MTMR8: variants seen among roughly 807,000 people sequenced by gnomAD.
The protein encoded by MTMR8 is myotubularin related protein 8, also known as phosphatidylinositol-3,5-bisphosphate 3-phosphatase MTMR8.
MTMR8 carries 65 observed loss-of-function variants against 39.3 expected under a neutral mutation model. The observed-to-expected ratio is 1.65, with a 90% CI of 1.35 to 2.03. The LOEUF is 2.03. Among genes scored for constraint, MTMR8 ranks in the 30% most tolerant of loss-of-function variants. MTMR8 has a pLI of 0.00. For synonymous variants in MTMR8, 245 were observed against 185.2 expected (o/e 1.32, Z -2.62); for missense variants, 777 against 538.9 (o/e 1.44, Z -4.37).
intron 1 of MTMR8, among the ~76,000 whole-genome samples, chrX:64,385,560 C>T (rs752541259): frequency 1.3e-4 from 14 of 111,722 alleles, no homozygotes; most frequent in African/African-American, 4.2e-4. Context: ...GTTTTGAAGG[C>T]TTTAAAGGAA....
intron 3 of MTMR8, 70 bp from the exon 4 acceptor site, chrX:64,355,004 T>G: frequency 1.1e-6 from 1 of 924,945 alleles, no homozygotes; most frequent in Non-Finnish European, 1.5e-6. Context: ...ACAATGCAAA[T>G]AAAGGCTAGA....
intron 12 of MTMR8, among the ~76,000 whole-genome samples, chrX:64,284,279 G>A (rs1464323495): frequency 9.0e-6 from 1 of 111,665 alleles, no homozygotes; most frequent in African/African-American, 3.3e-5. Context: ...AGAGAAAAAA[G>A]AATAAAAAGA....
intron 6 of MTMR8, among the ~76,000 whole-genome samples, 182 bp downstream of exon 6, chrX:64,348,478 T>G (rs1923399710): frequency 9.0e-6 from 1 of 111,596 alleles, no homozygotes; most frequent in Non-Finnish European, 1.9e-5. Context: ...TAACCTCACT[T>G]GACAGTGGCA....
At chrX:64,331,499 TTC>T in intron 11 of MTMR8, 56 bp downstream of exon 11, 1 of 1,088,379 alleles carries the variant, frequency 9.2e-7, no homozygotes. Context: ...GGTAGGTACA[TTC>T]TTTTTGCACT....
intron 1 of MTMR8, among the ~76,000 whole-genome samples, chrX:64,370,981 C>T (rs1265368493): frequency 9.0e-6 from 1 of 111,195 alleles, no homozygotes; most frequent in East Asian, 2.8e-4. Flanking sequence ...AGCAAGAACT[C>T]GTCTCTACAA....
intron 13 of MTMR8, among the ~76,000 whole-genome samples, chrX:64,270,381 C>T (rs929217874): frequency 6.2e-5 from 7 of 112,198 alleles, no homozygotes; most frequent in Admixed American, 1.9e-4. Context: ...AGGTACCTTT[C>T]CCCTGTCCTT....
intron 1 of MTMR8, among the ~76,000 whole-genome samples, chrX:64,366,384 A>G (rs1382012311): frequency 8.9e-6 from 1 of 112,073 alleles, no homozygotes; most frequent in Admixed American, 9.5e-5. Context: ...AATATAAAAG[A>G]ACAGAAATCA....
chrX:64,323,078 T>C (rs1257652067), intron 12 of MTMR8, among the ~76,000 whole-genome samples: 1 of 112,224 alleles, frequency 8.9e-6, no homozygotes, highest in Admixed American at 9.4e-5. Context: ...CGTGTGACAA[T>C]GGCATACCAG....
intron 12 of MTMR8, among the ~76,000 whole-genome samples, chrX:64,303,982 C>A (rs755269574): frequency 8.9e-6 from 1 of 112,021 alleles, no homozygotes; most frequent in Non-Finnish European, 1.9e-5. Flanking sequence ...TTGTGTACTG[C>A]AGCACAGTCT....
At chrX:64,341,482 A>AG (rs1305406830) in intron 8 of MTMR8, among the ~76,000 whole-genome samples, 1 of 106,300 alleles carries the variant, frequency 9.4e-6, no homozygotes, top group Non-Finnish European at 1.9e-5. Flanking sequence ...TCTGTCTCAA[A>AG]AAAAAAAAAA....
chrX:64,305,312 T>A (rs746647758), intron 12 of MTMR8: 19 of 200,404 alleles, frequency 9.5e-5, no homozygotes, highest in Non-Finnish European at 1.7e-4. Context: ...CATCCAGTAC[T>A]ACTTGTACAA....
At chrX:64,289,636 C>CA (rs749879321) in intron 12 of MTMR8, among the ~76,000 whole-genome samples, 6,146 of 25,089 alleles carry the variant, frequency 0.24, 918 homozygotes, top group Non-Finnish European at 0.43. Flanking sequence ...GACTCCATCG[C>CA]AAAAAAAAAA....
chrX:64,307,371 A>G (rs1171883585), intron 12 of MTMR8, among the ~76,000 whole-genome samples: 2 of 112,336 alleles, frequency 1.8e-5, no homozygotes, highest in East Asian at 5.6e-4. Context: ...ATTTAAATTT[A>G]TGATCCATTT....
chrX:64,316,226 AT>A (rs1471099104), intron 12 of MTMR8, among the ~76,000 whole-genome samples: 1 of 111,951 alleles, frequency 8.9e-6, no homozygotes, highest in Non-Finnish European at 1.9e-5. Context: ...ATGTTCCAAG[AT>A]TCCTTCTTTT....
chrX:64,331,813 T>C (rs1922950078), intron 10 of MTMR8, 56 bp from the exon 11 acceptor site: 2 of 1,017,051 alleles, frequency 2.0e-6, no homozygotes, highest in East Asian at 6.3e-5. Context: ...AGGATTACAC[T>C]GTTGGGAATA....
At chrX:64,372,111 T>C (rs1924144651) in intron 1 of MTMR8, among the ~76,000 whole-genome samples, 1 of 108,734 alleles carries the variant, frequency 9.2e-6, no homozygotes, top group South Asian at 3.9e-4. Context: ...GGGGTAATCC[T>C]TAATGTTAAG....
chrX:64,307,455 TG>T (rs2147206869), intron 12 of MTMR8, among the ~76,000 whole-genome samples: 1 of 111,966 alleles, frequency 8.9e-6, no homozygotes, highest in African/African-American at 3.2e-5. Context: ...CATCATTTGT[TG>T]AAAAGACTAT....
At chrX:64,309,495 TC>T (rs944417853) in intron 12 of MTMR8, among the ~76,000 whole-genome samples, 2 of 111,845 alleles carry the variant, frequency 1.8e-5, no homozygotes, top group African/African-American at 6.5e-5. Flanking sequence ...TTTTCTAGAT[TC>T]GTTGGGATTT....
chrX:64,314,333 A>G (rs917808735), intron 12 of MTMR8, among the ~76,000 whole-genome samples: 23 of 112,871 alleles, frequency 2.0e-4, no homozygotes, highest in Admixed American at 1.9e-3. Flanking sequence ...AGGTGCCAGC[A>G]TGCCTGCCTC....
Sources: gnomAD v4.1 joint callset for allele counts (sites outside exome capture counted in the v4.1 genomes callset) on GRCh38, gnomAD v4.1.1 for gene constraint, MANE v1.5 for transcripts, NCBI Gene and HGNC (gene_info 2026-07-23, HGNC 2026-07-21) for gene names.